The following FAM3C variants were observed in gnomAD, a reference collection of about 807,000 sequenced individuals.
The protein encoded by FAM3C is FAM3 metabolism regulating signaling molecule C, also known as protein FAM3C.
FAM3C carries 15 observed loss-of-function variants against 32.5 expected under a neutral mutation model. The observed-to-expected ratio is 0.46, with a 90% CI of 0.31 to 0.71. The LOEUF (loss-of-function observed/expected upper bound fraction) is 0.71. Ranked by LOEUF, FAM3C falls within the 30% of genes least tolerant of loss-of-function variation. The probability of loss-of-function intolerance (pLI) is 0.05; values close to 1 mark genes in which losing one functional copy is unlikely to be tolerated. For synonymous variants in FAM3C, 75 were observed against 86.1 expected (o/e 0.87, Z 0.72); for missense variants, 175 against 274.4 (o/e 0.64, Z 2.56).
chr7:121,363,093 A>G (rs1024431672), intron 6 of FAM3C, 146 bp from the exon 7 acceptor site: 22 of 525,818 alleles, frequency 4.2e-5, no homozygotes, highest in Non-Finnish European at 6.7e-5. Flanking sequence ...AATTCATCTC[A>G]AAGAATTACT....
intron 3 of FAM3C, among the ~76,000 whole-genome samples, chr7:121,378,051 T>C (rs972466594): frequency 5.3e-5 from 8 of 152,246 alleles, no homozygotes; most frequent in African/African-American, 1.9e-4. Context: ...TTCAGTCTTA[T>C]AGCGGTATAT....
chr7:121,366,101 A>T (rs2116902327), intron 5 of FAM3C, among the ~76,000 whole-genome samples: 2 of 152,296 alleles, frequency 1.3e-5, no homozygotes, highest in South Asian at 4.1e-4. Context: ...GCTGGCGGAA[A>T]TGCAAACAGA....
At chr7:121,359,908 AAAC>A (rs1793885463) in intron 8 of FAM3C, 132 bp downstream of exon 8, 1 of 614,888 alleles carries the variant, frequency 1.6e-6, no homozygotes, top group Admixed American at 2.9e-5. Flanking sequence ...GGCAAAGTAA[AAAC>A]AAAAATTGTT....
chr7:121,359,028 G>A (rs1793871214), intron 8 of FAM3C, among the ~76,000 whole-genome samples: 1 of 150,736 alleles, frequency 6.6e-6, no homozygotes, highest in Non-Finnish European at 1.5e-5. Context: ...CAATAATAAA[G>A]GCATATTAAA....
chr7:121,371,984 A>G (rs1584699078), intron 4 of FAM3C, 126 bp downstream of exon 4: 2 of 662,378 alleles, frequency 3.0e-6, no homozygotes, highest in East Asian at 5.5e-5. Flanking sequence ...TAGCATCCTC[A>G]TAACTTTAAA....
At position 121,350,435 on chromosome 7, in the gene FAM3C, T is replaced by C. The variant is rs1257773854; in HGVS notation, c.*26A>G. ...TCTCCCATTAAGAGTGAAAGTGCGC[T>C]TTCTTCAATTCTCTCCACATTTCCA... On this transcript the variant is annotated 3_prime_UTR_variant, in exon 10 of 10. Transcript: ENST00000359943. 2 of 1,610,658 alleles carry C rather than the reference T, an allele frequency of 1.2e-6. No homozygotes were observed. Among genetic ancestry groups the C allele is most frequent in the African/African-American group, 1.3e-5 (1 of 74,880 alleles).
At chr7:121,368,855 C>A (rs1794080039) in intron 5 of FAM3C, among the ~76,000 whole-genome samples, 1 of 151,978 alleles carries the variant, frequency 6.6e-6, no homozygotes, top group African/African-American at 2.4e-5. Flanking sequence ...TGTTCCATAA[C>A]CCTCAATCTA....
chr7:121,363,996 C>A, intron 6 of FAM3C, 134 bp downstream of exon 6: 1 of 587,834 alleles, frequency 1.7e-6, no homozygotes, highest in African/African-American at 1.9e-5. Context: ...AGATTTTTTG[C>A]AGGGCAGGGA....
intron 1 of FAM3C, among the ~76,000 whole-genome samples, chr7:121,394,166 A>C (rs1189524153): frequency 1.3e-5 from 2 of 152,194 alleles, no homozygotes; most frequent in African/African-American, 4.8e-5. Context: ...CAGTATTTTT[A>C]AGAGTATAAA....
chr7:121,389,556 T>C (rs775408729), intron 1 of FAM3C, among the ~76,000 whole-genome samples: 19 of 152,156 alleles, frequency 1.2e-4, no homozygotes, highest in Non-Finnish European at 2.5e-4. Context: ...AGATAAGCCC[T>C]CATTCAGTAC....
intron 5 of FAM3C, among the ~76,000 whole-genome samples, chr7:121,368,244 T>C (rs1415695391): frequency 6.6e-6 from 1 of 152,160 alleles, no homozygotes; most frequent in African/African-American, 2.4e-5. Context: ...GAAAGATGTT[T>C]AACAGCATCT....
chr7:121,379,025 G>A lies in FAM3C; in HGVS notation c.14-11C>T, dbSNP rs769442838. The A allele has an allele frequency of 2.8e-6, 4 of 1,443,710 alleles. No homozygotes were observed. Among genetic ancestry groups the A allele is most frequent in the South Asian group, 1.3e-5 (1 of 74,472 alleles). 89.4% of individuals were successfully genotyped at this position (1,443,710 alleles called of 1,614,324 possible). ...CCAACTTTGCAGCACCTAAAAGGCA[G>A]AAGTATTTCAGCATAACTTTGTAAG... is the stretch of plus-strand genomic sequence containing the variant. On this transcript the variant is annotated splice_polypyrimidine_tract_variant and intron_variant, in intron 2 of 9. Coordinates refer to ENST00000359943, the MANE Select transcript of FAM3C (RefSeq NM_014888.3).
intron 1 of FAM3C, among the ~76,000 whole-genome samples, chr7:121,388,747 G>C (rs1206177188): frequency 6.6e-6 from 1 of 152,008 alleles, no homozygotes; most frequent in Non-Finnish European, 1.5e-5. Context: ...ATTTAAAAGA[G>C]AACATCTAAA....
intron 3 of FAM3C, 51 bp downstream of exon 3, chr7:121,378,858 CT>C (rs1248951295): frequency 1.0e-6 from 1 of 961,366 alleles, no homozygotes; most frequent in Non-Finnish European, 1.6e-6. Flanking sequence ...ACTGATAAAA[CT>C]TTAGGCCACA....
rs139221655 is a variant in FAM3C, at chr7:121,393,080, T to G, written c.-42+3082A>C. The stretch of plus-strand genomic sequence containing the variant: ...GGAATGAACAACTGCTTAATGAATA[T>G]GGGGTTTCCTTTTGGGGTGATGAAA... On this transcript the variant is annotated intron_variant, in intron 1 of 9. Coordinates refer to ENST00000359943, the MANE Select transcript of FAM3C (RefSeq NM_014888.3). 2.9e-3 allele frequency among the ~76,000 whole-genome samples: 441 copies of G among 152,274 alleles called. 2 individuals are homozygous for G. Among genetic ancestry groups the G allele is most frequent in the Non-Finnish European group, 5.4e-3 (368 of 68,018 alleles).
chr7:121,376,190 A>T (rs1049567103), intron 3 of FAM3C, among the ~76,000 whole-genome samples: 9 of 152,186 alleles, frequency 5.9e-5, no homozygotes, highest in African/African-American at 2.2e-4. Context: ...TGCAGTAACT[A>T]CTTTTATGCT....
chr7:121,351,780 C>T (rs1374030861), intron 8 of FAM3C, among the ~76,000 whole-genome samples: 1 of 152,148 alleles, frequency 6.6e-6, no homozygotes, highest in Non-Finnish European at 1.5e-5. Flanking sequence ...AATTGTACTT[C>T]AGTGATAACT....
chr7:121,360,877 A>G (rs7808155), intron 7 of FAM3C, among the ~76,000 whole-genome samples: 44,310 of 151,928 alleles, frequency 0.29, 6,785 homozygotes, highest in African/African-American at 0.38. Flanking sequence ...AAAAAAGCAT[A>G]ACAATGTTTG....
chr7:121,356,193 G>T (rs996411792), intron 8 of FAM3C, among the ~76,000 whole-genome samples: 1 of 139,172 alleles, frequency 7.2e-6, no homozygotes, highest in African/African-American at 3.0e-5. Flanking sequence ...TCTGAAACAT[G>T]GTAGCTAGCA....
Sources: allele counts gnomAD v4.1 joint callset (sites outside exome capture counted in the v4.1 genomes callset), GRCh38; gene constraint gnomAD v4.1.1; transcripts MANE v1.5; gene names NCBI Gene and HGNC (gene_info 2026-07-23, HGNC 2026-07-21).